GMDS: variants seen among roughly 807,000 people sequenced by gnomAD.
The protein encoded by GMDS is GDP-mannose 4,6 dehydratase.
In GMDS, 20 loss-of-function variants were observed where a neutral mutation model predicts 49.9. That is an observed-to-expected ratio of 0.40 (90% CI 0.28 to 0.58). GMDS has a LOEUF of 0.58. GMDS is among the 20% of genes least tolerant of loss of function. The probability of loss-of-function intolerance (pLI) is 0.42; values close to 1 mark genes in which losing one functional copy is unlikely to be tolerated. For synonymous variants in GMDS, 177 were observed against 178.6 expected, an observed-to-expected ratio of 0.99 and a Z score of 0.07; for missense variants, 362 against 481.4, an observed-to-expected ratio of 0.75 and a Z score of 2.32.
chr6:1,769,163 C>G (rs1036545714), intron 7 of GMDS, among the ~76,000 whole-genome samples: 3 of 152,150 alleles, frequency 2.0e-5, no homozygotes, highest in Admixed American at 1.3e-4. Context: ...TCTGTGTGAT[C>G]GACTTTCACT....
At chr6:1,749,416 C>T (rs1581135836) in intron 7 of GMDS, among the ~76,000 whole-genome samples, 1 of 151,572 alleles carries the variant, frequency 6.6e-6, no homozygotes, top group South Asian at 2.1e-4. Flanking sequence ...GGCAAAACCC[C>T]GTCTCTACAA....
intron 7 of GMDS, among the ~76,000 whole-genome samples, chr6:1,840,302 C>A (rs567462761): frequency 7.2e-5 from 11 of 152,224 alleles, no homozygotes; most frequent in Non-Finnish European, 1.3e-4. Flanking sequence ...CTCTCACGCT[C>A]TGCCTCTCCT....
At chr6:1,853,434 C>A (rs183215907) in intron 7 of GMDS, among the ~76,000 whole-genome samples, 12 of 142,980 alleles carry the variant, frequency 8.4e-5, no homozygotes, top group Non-Finnish European at 1.8e-4. Context: ...AGGAGAATGG[C>A]GTGAACCCGG....
At chr6:1,634,505 TTTTCTC>T (rs1465485825) in intron 9 of GMDS, among the ~76,000 whole-genome samples, 36 of 152,138 alleles carry the variant, frequency 2.4e-4, no homozygotes, top group Middle Eastern at 3.4e-3. Context: ...GTGTATGTGT[TTTTCTC>T]TGTCTCTCTC....
At chr6:1,650,419 G>A (rs1325117829) in intron 9 of GMDS, among the ~76,000 whole-genome samples, 1 of 152,074 alleles carries the variant, frequency 6.6e-6, no homozygotes, top group African/African-American at 2.4e-5. Flanking sequence ...TGGTACAGTG[G>A]CACCTTTTAA....
intron 7 of GMDS, among the ~76,000 whole-genome samples, chr6:1,756,611 A>C (rs1280832925): frequency 6.6e-6 from 1 of 152,032 alleles, no homozygotes; most frequent in African/African-American, 2.4e-5. Flanking sequence ...AGTGTGCAGG[A>C]ACTCAAGAGG....
chr6:1,718,806 T>C (rs1287319329), intron 9 of GMDS, among the ~76,000 whole-genome samples: 15 of 150,206 alleles, frequency 1.0e-4, no homozygotes, highest in Admixed American at 1.0e-3. Context: ...TATTTTCTCA[T>C]ATATACTGAT....
At chr6:2,157,680 G>A (rs1042503993) in intron 1 of GMDS, among the ~76,000 whole-genome samples, 3 of 152,158 alleles carry the variant, frequency 2.0e-5, no homozygotes, top group African/African-American at 4.8e-5. Flanking sequence ...AAACCACAAG[G>A]CACTAGGCAT....
At position 1,653,655 on chromosome 6, in the gene GMDS, C is replaced by T. The variant is rs375649847; in HGVS notation, c.988-29115G>A. On this transcript the variant is annotated intron_variant, in intron 9 of 10. Coordinates refer to ENST00000380815, the MANE Select transcript of GMDS (RefSeq NM_001500.4). ...ACCCAGATGTAAACCCTAATATACC[C>T]GGCCAATTGATTTTCAACAAGGGTA... is the stretch of plus-strand genomic sequence containing the variant. Among the ~76,000 whole-genome samples, 21 of 152,266 alleles carry T rather than the reference C, an allele frequency of 1.4e-4. No individual in the cohort carries two copies. The East Asian group carries it at 3.1e-3, about 22-fold the overall frequency.
intron 4 of GMDS, among the ~76,000 whole-genome samples, chr6:1,977,974 G>T (rs1038268774): frequency 6.6e-6 from 1 of 152,190 alleles, no homozygotes; most frequent in African/African-American, 2.4e-5. Context: ...GAACCAGGCA[G>T]CATCATTCTG....
intron 1 of GMDS, among the ~76,000 whole-genome samples, chr6:2,199,950 G>A (rs566144863): frequency 4.9e-4 from 74 of 152,270 alleles, no homozygotes; most frequent in Admixed American, 4.3e-3. Context: ...GCTATATATG[G>A]TAAATGCTAT....
chr6:2,081,986 C>A lies in GMDS; in HGVS notation c.345+33785G>T, dbSNP rs372363834. ...AAACCCAATGCCCAGCTCAATCTCA[C>A]CACTGCCAAAAAGTTCAGGCGATTT... On this transcript the variant is annotated intron_variant, in intron 4 of 10. Coordinates refer to ENST00000380815, the MANE Select transcript of GMDS (RefSeq NM_001500.4). Among the ~76,000 whole-genome samples, 6 of 152,280 alleles carry A rather than the reference C, an allele frequency of 3.9e-5. 1 individual carries two copies. The East Asian group carries it at 9.7e-4, about 25-fold the overall frequency.
intron 4 of GMDS, among the ~76,000 whole-genome samples, chr6:2,035,446 T>C (rs767898086): frequency 3.3e-5 from 5 of 152,166 alleles, no homozygotes; most frequent in African/African-American, 4.8e-5. Context: ...TTCACCACTA[T>C]ACATCTCCCA....
intron 4 of GMDS, among the ~76,000 whole-genome samples, chr6:1,997,845 G>A (rs1178970534): frequency 6.6e-6 from 1 of 152,152 alleles, no homozygotes; most frequent in Non-Finnish European, 1.5e-5. Context: ...AGCAGGCTAT[G>A]AAGGGTCAAT....
intron 7 of GMDS, among the ~76,000 whole-genome samples, chr6:1,856,107 A>G (rs1003389348): frequency 6.6e-6 from 1 of 152,242 alleles, no homozygotes; most frequent in Admixed American, 6.5e-5. Flanking sequence ...CTGTAAGTAC[A>G]TAGACTGCCT....
At chr6:2,171,830 AAAGAT>A (rs148376298) in intron 1 of GMDS, among the ~76,000 whole-genome samples, 16,500 of 152,054 alleles carry the variant, frequency 0.11, 2,939 homozygotes, top group African/African-American at 0.38. Context: ...GTTAAGGTAA[AAAGAT>A]AATAGGATAA....
At chr6:1,865,817 TATATCTCCTCAC>T (rs1455662951) in intron 7 of GMDS, among the ~76,000 whole-genome samples, 1 of 152,056 alleles carries the variant, frequency 6.6e-6, no homozygotes, top group Non-Finnish European at 1.5e-5. Flanking sequence ...AATGCTGCTT[TATATCTCCTCAC>T]ACCACAGGCT....
intron 1 of GMDS, among the ~76,000 whole-genome samples, chr6:2,220,712 C>T (rs187275872): frequency 5.5e-4 from 84 of 151,950 alleles, no homozygotes; most frequent in Admixed American, 4.0e-3. Flanking sequence ...AACTTGGGTC[C>T]CACCCCCAAG....
At position 2,005,347 on chromosome 6, in the gene GMDS, C is replaced by T. The variant is rs549533716; in HGVS notation, c.346-44381G>A. On this transcript the variant is annotated intron_variant, in intron 4 of 10. Coordinates refer to ENST00000380815, the MANE Select transcript of GMDS (RefSeq NM_001500.4). ...AAGAAAATCCTAGTCGAAGCCAGTG[C>T]ATAATGGCCATTTACCCCTCAGGAA... Among the ~76,000 whole-genome samples the T allele has an allele frequency of 7.2e-5, 11 of 152,246 alleles. No homozygotes were observed. In the East Asian group the frequency reaches 1.7e-3, roughly 24 times the overall value.
Sources: gnomAD v4.1 joint callset for allele counts (sites outside exome capture counted in the v4.1 genomes callset) on GRCh38, gnomAD v4.1.1 for gene constraint, MANE v1.5 for transcripts, NCBI Gene and HGNC (gene_info 2026-07-23, HGNC 2026-07-21) for gene names.